Variants in FYTTD1 observed in about 807,000 individuals in gnomAD.
FYTTD1 encodes the protein forty-two-three domain containing 1.
A neutral mutation model predicts 40.9 loss-of-function variants in FYTTD1; 22 were observed. The observed-to-expected ratio is 0.54, with a 90% CI of 0.38 to 0.77. The LOEUF (loss-of-function observed/expected upper bound fraction) is 0.77. Among genes scored for constraint, FYTTD1 ranks in the 30% least tolerant of loss-of-function variants. FYTTD1 has a pLI of 0.00. For synonymous variants in FYTTD1, 140 were observed against 137.9 expected (o/e 1.01, Z -0.10); for missense variants, 351 against 392.2 (o/e 0.90, Z 0.89).
intron 6 of FYTTD1, among the ~76,000 whole-genome samples, chr3:197,775,435 T>C (rs1421991018): frequency 6.6e-6 from 1 of 152,122 alleles, no homozygotes; most frequent in Non-Finnish European, 1.5e-5. Context: ...ATTAAAATCC[T>C]CAGATACTCA....
chr3:197,750,151 A>G, intron 1 of FYTTD1, 77 bp downstream of exon 1: 1 of 1,135,870 alleles, frequency 8.8e-7, no homozygotes. Flanking sequence ...TTGTGGGGGC[A>G]GGGGCGGTCG....
chr3:197,760,584 A>G (rs1264834496), intron 2 of FYTTD1, among the ~76,000 whole-genome samples: 1 of 151,162 alleles, frequency 6.6e-6, no homozygotes, highest in East Asian at 2.0e-4. Context: ...GGTAGAATAT[A>G]TAGGGTTGTT....
At chr3:197,773,681 A>G (rs1729783584) in intron 5 of FYTTD1, among the ~76,000 whole-genome samples, 182 bp downstream of exon 5, 1 of 152,168 alleles carries the variant, frequency 6.6e-6, no homozygotes, top group Admixed American at 6.5e-5. Context: ...TCTTACCCTC[A>G]ATAGCAATGT....
intron 6 of FYTTD1, among the ~76,000 whole-genome samples, chr3:197,775,055 TATACC>T (rs1202512811): frequency 6.6e-6 from 1 of 152,240 alleles, no homozygotes; most frequent in Non-Finnish European, 1.5e-5. Flanking sequence ...TTTTATTGGC[TATACC>T]ATTTTAATGA....
chr3:197,774,259 A>G (rs1404179500), intron 6 of FYTTD1, 49 bp downstream of exon 6: 6 of 1,395,838 alleles, frequency 4.3e-6, no homozygotes, highest in Non-Finnish European at 5.1e-6. Flanking sequence ...CTCCCAGAAT[A>G]CTAACTACCC....
chr3:197,776,838 G>A (rs919693292), intron 6 of FYTTD1, 89 bp from the exon 7 acceptor site: 196 of 823,584 alleles, frequency 2.4e-4, no homozygotes, highest in Non-Finnish European at 2.9e-4. Context: ...AAAAGTAATG[G>A]CTACTTTTAA....
intron 5 of FYTTD1, 107 bp downstream of exon 5, chr3:197,773,606 C>T: frequency 3.1e-6 from 2 of 644,492 alleles, no homozygotes; most frequent in Non-Finnish European, 5.5e-6. Context: ...GCATTGGGTT[C>T]AGGATGTGAG....
At position 197,781,919 on chromosome 3, in the gene FYTTD1, C is replaced by T; in HGVS notation, c.*10C>T. 2 of 1,540,086 alleles carry T rather than the reference C, an allele frequency of 1.3e-6. No homozygotes were observed. The highest frequency in any genetic ancestry group is 1.3e-5 in the South Asian group (1 of 79,292). ...TGTCACCGTGGGATAGGTCCCATGT[C>T]AAAGGAACTTTTGAGTGATGACTCT... On this transcript the variant is annotated 3_prime_UTR_variant, in exon 9 of 9. Transcript: ENST00000241502.
chr3:197,756,312 G>A lies in FYTTD1; in HGVS notation c.104-114G>A, dbSNP rs539209889. On this transcript the variant is annotated intron_variant, in intron 1 of 8. Coordinates refer to ENST00000241502, the MANE Select transcript of FYTTD1 (RefSeq NM_032288.7). ...TTCTTGTTATTATCCTCTTATGGAA[G>A]TGCTTTCAAAGTAGAAAAGAAGTTA... The A allele has an allele frequency of 4.8e-4, 343 of 720,186 alleles. 3 individuals are homozygous for A. In the South Asian group the frequency reaches 6.0e-3, roughly 13 times the overall value. 44.6% of individuals were successfully genotyped at this position (720,186 alleles called of 1,614,324 possible).
intron 2 of FYTTD1, among the ~76,000 whole-genome samples, chr3:197,764,454 A>G (rs554523009): frequency 6.6e-6 from 1 of 152,350 alleles, no homozygotes; most frequent in East Asian, 1.9e-4. Context: ...TCACGCCAGT[A>G]ATCCCAGCAC....
At chr3:197,774,483 G>A (rs934526128) in intron 6 of FYTTD1, among the ~76,000 whole-genome samples, 2 of 152,040 alleles carry the variant, frequency 1.3e-5, no homozygotes, top group African/African-American at 2.4e-5. Flanking sequence ...AGCATAGCTC[G>A]ATGCCACTGC....
chr3:197,770,480 T>G (rs1034025705), intron 4 of FYTTD1, among the ~76,000 whole-genome samples: 1 of 152,228 alleles, frequency 6.6e-6, no homozygotes, highest in Non-Finnish European at 1.5e-5. Flanking sequence ...TCACTCTGCT[T>G]CTTTACCTCT....
intron 8 of FYTTD1, among the ~76,000 whole-genome samples, chr3:197,779,551 G>GA (rs1729966038): frequency 4.7e-5 from 1 of 21,458 alleles, no homozygotes; most frequent in African/African-American, 1.5e-4. Context: ...TTTTTTTTGT[G>GA]AAACAGTCTC....
chr3:197,774,613 A>C (rs1729817797), intron 6 of FYTTD1, among the ~76,000 whole-genome samples: 1 of 152,044 alleles, frequency 6.6e-6, no homozygotes, highest in Non-Finnish European at 1.5e-5. Context: ...CACCAGCCTG[A>C]GCAGCATAGC....
At chr3:197,762,274 A>C (rs996381785) in intron 2 of FYTTD1, among the ~76,000 whole-genome samples, 2 of 145,454 alleles carry the variant, frequency 1.4e-5, no homozygotes, top group African/African-American at 2.8e-5. Context: ...GTTCTTACTA[A>C]ATATTTTTAT....
intron 2 of FYTTD1, among the ~76,000 whole-genome samples, chr3:197,767,072 C>T (rs1363872665): frequency 6.7e-6 from 1 of 149,926 alleles, no homozygotes; most frequent in African/African-American, 2.5e-5. Context: ...TTTTAATTTA[C>T]CCCCTTTTTT....
intron 7 of FYTTD1, among the ~76,000 whole-genome samples, chr3:197,778,126 T>C (rs780260203): frequency 6.6e-6 from 1 of 152,260 alleles, no homozygotes; most frequent in Non-Finnish European, 1.5e-5. Context: ...ACATTCCAAC[T>C]TGTTGAAAAG....
At chr3:197,766,454 T>TGTGTGTGTGTGTGTGTGC (rs1215499543) in intron 2 of FYTTD1, among the ~76,000 whole-genome samples, 26 of 151,554 alleles carry the variant, frequency 1.7e-4, no homozygotes, top group African/African-American at 6.3e-4. Context: ...TGTGTGTGTG[T>TGTGTGTGTGTGTGTGTGC]GTGTGTTTGA....
At chr3:197,767,781 T>A (rs9839239) in intron 2 of FYTTD1, among the ~76,000 whole-genome samples, 5,611 of 152,278 alleles carry the variant, frequency 0.037, 187 homozygotes, top group African/African-American at 0.08. Context: ...AGGTAAGATA[T>A]GTAATGGAAA....
Sources: allele counts gnomAD v4.1 joint callset (sites outside exome capture counted in the v4.1 genomes callset), GRCh38; gene constraint gnomAD v4.1.1; transcripts MANE v1.5; gene names NCBI Gene and HGNC (gene_info 2026-07-23, HGNC 2026-07-21).